The following C2CD5 variants were observed in gnomAD, a reference collection of about 807,000 sequenced individuals.
The protein encoded by C2CD5 is C2 calcium dependent domain containing 5.
C2CD5 carries 109 observed loss-of-function variants against 130.3 expected under a neutral mutation model. The observed-to-expected ratio is 0.84, with a 90% confidence interval of 0.72 to 0.98. C2CD5 has a LOEUF of 0.98. C2CD5 is among the 50% of genes least tolerant of loss of function. The probability of loss-of-function intolerance (pLI) is 0.00; values close to 1 mark genes in which losing one functional copy is unlikely to be tolerated. For missense variants in C2CD5, 996 were observed against 1,261.8 expected, an observed-to-expected ratio of 0.79 and a Z score of 3.19; for synonymous variants, 454 against 429.2, an observed-to-expected ratio of 1.06 and a Z score of -0.71.
chr12:22,450,729 A>G (rs1464536454), intron 26 of C2CD5, among the ~76,000 whole-genome samples: 1 of 152,100 alleles, frequency 6.6e-6, no homozygotes, highest in African/African-American at 2.4e-5. Flanking sequence ...AGATGCTCAC[A>G]CTTGTGCTAA....
At chr12:22,514,935 A>G (rs1055605300) in intron 8 of C2CD5, 6 of 974,776 alleles carry the variant, frequency 6.2e-6, no homozygotes, top group Non-Finnish European at 7.3e-6. Context: ...AAGGGATTAA[A>G]AAGCTGACAT....
At chr12:22,463,849 T>C (rs891856180) in intron 22 of C2CD5, 5 of 152,208 alleles carry the variant, frequency 3.3e-5, no homozygotes, top group Admixed American at 6.5e-5. Flanking sequence ...GAAATGATTC[T>C]CTGGCAGATT....
At chr12:22,511,861 T>G (rs1949233669) in intron 9 of C2CD5, among the ~76,000 whole-genome samples, 2 of 152,292 alleles carry the variant, frequency 1.3e-5, no homozygotes, top group Middle Eastern at 3.4e-3. Flanking sequence ...AATTTCATTA[T>G]AAGCAAGCAT....
intron 16 of C2CD5, among the ~76,000 whole-genome samples, chr12:22,473,317 G>A (rs995576230): frequency 2.0e-5 from 3 of 152,024 alleles, no homozygotes; most frequent in African/African-American, 2.4e-5. Context: ...CTGGACAGGC[G>A]CTGACATTCA....
chr12:22,500,723 TATA>T (rs112965317), intron 10 of C2CD5, among the ~76,000 whole-genome samples: 3,226 of 152,324 alleles, frequency 0.021, 101 homozygotes, highest in African/African-American at 0.073. Context: ...TACATTACTG[TATA>T]ATAACATTTT....
Position 22,509,057 on chromosome 12 carries a change from T to C in C2CD5, c.1039-2238A>G, listed in dbSNP as rs1054020830. ...GCGCCCGGCTAATTTTTTGTATTTT[T>C]TTAGTAGAGACGGGGTTTCACCTTG... is the stretch of plus-strand genomic sequence containing the variant. On this transcript the variant is annotated intron_variant, in intron 9 of 26. Transcript: ENST00000446597. Among the ~76,000 whole-genome samples the C allele has an allele frequency of 2.0e-5, 3 of 151,600 alleles. No individual in the cohort carries two copies. In the East Asian group the frequency reaches 5.8e-4, roughly 30 times the overall value.
chr12:22,526,087 A>C (rs1431017726), intron 4 of C2CD5, among the ~76,000 whole-genome samples: 2 of 152,214 alleles, frequency 1.3e-5, no homozygotes, highest in Non-Finnish European at 2.9e-5. Context: ...ATCAAGGTGC[A>C]TCTGTAATGT....
intron 10 of C2CD5, among the ~76,000 whole-genome samples, chr12:22,503,101 A>G (rs1407243088): frequency 2.0e-5 from 3 of 152,220 alleles, no homozygotes; most frequent in African/African-American, 4.8e-5. Context: ...GTTCTTTAAA[A>G]AAGCCTCCAA....
chr12:22,500,485 T>G (rs1400924245), intron 10 of C2CD5, among the ~76,000 whole-genome samples: 1 of 152,186 alleles, frequency 6.6e-6, no homozygotes, highest in Admixed American at 6.5e-5. Flanking sequence ...GCTCAAGAAT[T>G]ACCACTTCTA....
intron 22 of C2CD5, among the ~76,000 whole-genome samples, chr12:22,464,479 T>C (rs960269940): frequency 6.6e-6 from 1 of 152,218 alleles, no homozygotes; most frequent in African/African-American, 2.4e-5. Context: ...GATTTCACTG[T>C]CCTCAAGCTG....
At chr12:22,474,096 T>C (rs1943471004) in intron 16 of C2CD5, among the ~76,000 whole-genome samples, 1 of 152,148 alleles carries the variant, frequency 6.6e-6, no homozygotes, top group African/African-American at 2.4e-5. Context: ...TACACCAAGA[T>C]CAAAGCATCT....
At chr12:22,515,195 A>T in intron 8 of C2CD5, 1 of 884,712 alleles carries the variant, frequency 1.1e-6, no homozygotes, top group South Asian at 5.2e-5. Flanking sequence ...TCAGAAGATG[A>T]TCAGAAAATG....
chr12:22,478,854 G>GA (rs1380340416), intron 14 of C2CD5, among the ~76,000 whole-genome samples: 17 of 143,944 alleles, frequency 1.2e-4, no homozygotes, highest in African/African-American at 4.2e-4. Context: ...TCAAAAAAAA[G>GA]AAAAAAAGGG....
chr12:22,536,655 C>T (rs1041208721), intron 2 of C2CD5, among the ~76,000 whole-genome samples: 2 of 151,982 alleles, frequency 1.3e-5, no homozygotes. Context: ...TATAGATATA[C>T]AAGTATTTGT....
Position 22,449,833 on chromosome 12 carries a change from A to C in C2CD5, c.3083T>G (p.Leu1028Ter). Reference sequence around the variant, plus strand: ...AGGTTGCTGAGATGACACCACTTCTAAGTCAGATTCACGAACAAAAACCAC... The same window carrying C: ...AGGTTGCTGAGATGACACCACTTCTCAGTCAGATTCACGAACAAAAACCAC... ...DAVVFVRESD[L>*]EVVSSQQPTT... Residue 1028 changes from leucine (L) to a stop codon, truncating the protein, a stop_gained, in exon 27 of 27, where the codon TTA (leucine) becomes TGA (stop). Transcript: ENST00000446597. LOFTEE classifies it high-confidence loss of function. 12 of 1,611,530 alleles carry C rather than the reference A, an allele frequency of 7.4e-6. No homozygotes were observed. Among genetic ancestry groups the C allele is most frequent in the Non-Finnish European group, 1.0e-5 (12 of 1,177,978 alleles).
In C2CD5 at chr12:22,458,476, C is replaced by A; in HGVS notation, c.2686+8G>T. 1 of 1,206,678 alleles carries A rather than the reference C, an allele frequency of 8.3e-7. No individual in the cohort carries two copies. Among genetic ancestry groups the A allele is most frequent in the Non-Finnish European group, 1.0e-6 (1 of 952,956 alleles). 74.7% of individuals were successfully genotyped at this position (1,206,678 alleles called of 1,614,324 possible). On this transcript the variant is annotated splice_region_variant and intron_variant, in intron 24 of 26. Transcript: ENST00000446597. ...GATTATCATAATGTGGTAGAAACAT[C>A]CGCCTACTTGTCTTAATTGATCCAC...
intron 23 of C2CD5, among the ~76,000 whole-genome samples, chr12:22,459,186 G>A (rs2136023766): frequency 1.3e-5 from 2 of 152,166 alleles, no homozygotes; most frequent in South Asian, 4.1e-4. Flanking sequence ...CAGGGCAGGT[G>A]TGAGCCTCAC....
rs190520774 is a variant in C2CD5, at chr12:22,542,488, C to G, written c.90+1573G>C. 2.9e-4 allele frequency among the ~76,000 whole-genome samples: 44 copies of G among 152,370 alleles called. No individual in the cohort carries two copies. In the East Asian group the frequency reaches 7.7e-3, roughly 27 times the overall value. ...TATCTCATACCCTTTCCTCCAGACA[C>G]GTACTAAACTAAGGCAGTTTCCTGA... On this transcript the variant is annotated intron_variant, in intron 2 of 26. Transcript: ENST00000446597.
chr12:22,472,195 A>G, intron 18 of C2CD5, 91 bp downstream of exon 18: 1 of 882,116 alleles, frequency 1.1e-6, no homozygotes, highest in South Asian at 1.5e-5. Context: ...AATTGCAATA[A>G]GGAGGTAAAA....
Sources: allele counts gnomAD v4.1 joint callset (sites outside exome capture counted in the v4.1 genomes callset), GRCh38; gene constraint gnomAD v4.1.1; transcripts MANE v1.5; gene names NCBI Gene and HGNC (gene_info 2026-07-23, HGNC 2026-07-21).